The following BTAF1 variants were observed in gnomAD, a reference collection of about 807,000 sequenced individuals.
BTAF1 encodes B-TFIID TATA-box binding protein associated factor 1, also known as TATA-binding protein-associated factor 172.
In BTAF1, 38 loss-of-function variants were observed where a neutral mutation model predicts 227.1. The observed-to-expected ratio is 0.17, with a 90% CI of 0.13 to 0.22. BTAF1 has a LOEUF of 0.22. BTAF1 is among the 10% of genes least tolerant of loss of function. The probability of loss-of-function intolerance (pLI) is 1.00; values close to 1 mark genes in which losing one functional copy is unlikely to be tolerated. For synonymous variants in BTAF1, 742 were observed against 751.9 expected (o/e 0.99, Z 0.21); for missense variants, 1,598 against 2,204.0 (o/e 0.73, Z 5.51).
chr10:91,962,207 A>G (rs1451430905), intron 11 of BTAF1, among the ~76,000 whole-genome samples: 3 of 152,164 alleles, frequency 2.0e-5, no homozygotes, highest in Non-Finnish European at 4.4e-5. Context: ...ATTTAAATAT[A>G]CCAATATTTA....
chr10:91,929,976 C>T (rs1216562432), intron 1 of BTAF1, among the ~76,000 whole-genome samples: 6 of 152,150 alleles, frequency 3.9e-5, no homozygotes, highest in African/African-American at 1.4e-4. Context: ...AGGCATTAAT[C>T]AAAGCTTTTC....
At chr10:91,940,327 C>A (rs1844901631) in intron 3 of BTAF1, among the ~76,000 whole-genome samples, 1 of 151,628 alleles carries the variant, frequency 6.6e-6, no homozygotes, top group Non-Finnish European at 1.5e-5. Flanking sequence ...GTTATTACTT[C>A]CCTTCAAGTA....
At chr10:91,946,813 A>T (rs1314080970) in intron 4 of BTAF1, among the ~76,000 whole-genome samples, 2 of 150,454 alleles carry the variant, frequency 1.3e-5, no homozygotes, top group African/African-American at 4.9e-5. Context: ...CAGATATGTG[A>T]TTTATGCATT....
chr10:92,024,892 C>T lies in BTAF1; in HGVS notation c.5000C>T (p.Pro1667Leu), dbSNP rs1851391081. The change falls in exon 35 of 38, where the codon CCT becomes CTT. Residue 1667 changes from proline (P) to leucine (L), a missense_variant. Physicochemically the swap from Pro to Leu is moderately conservative, Grantham distance 98 (BLOSUM62 -3). Coordinates refer to ENST00000265990, the MANE Select transcript of BTAF1 (RefSeq NM_003972.3). ...LDIVEHDLLK[P>L]HLPSVTYLRL... ...ATAGTAGAGCATGATCTCCTCAAACCTCACTTGCCCTCTGTCACTTATTTG... is the reference window on the plus strand; with the variant it reads ...ATAGTAGAGCATGATCTCCTCAAACTTCACTTGCCCTCTGTCACTTATTTG... 3.1e-6 allele frequency: 5 copies of T among 1,614,080 alleles called. No individual in the cohort carries two copies. The South Asian group carries it at 4.4e-5, about 14-fold the overall frequency.
At chr10:91,977,089 T>C (rs1847751758) in intron 14 of BTAF1, among the ~76,000 whole-genome samples, 1 of 152,138 alleles carries the variant, frequency 6.6e-6, no homozygotes. Context: ...TGTGTAACTC[T>C]GGAGGCAGGA....
chr10:91,982,343 T>C, intron 17 of BTAF1, 118 bp downstream of exon 17: 2 of 1,392,734 alleles, frequency 1.4e-6, no homozygotes, highest in East Asian at 2.3e-5. Context: ...TTCATCACAC[T>C]AATTATAGCC....
At chr10:91,989,650 A>G in intron 20 of BTAF1, 70 bp downstream of exon 20, 3 of 1,372,074 alleles carry the variant, frequency 2.2e-6, no homozygotes, top group South Asian at 1.5e-5. Flanking sequence ...ACTTATGGGT[A>G]TAATTTAAGC....
intron 25 of BTAF1, 139 bp from the exon 26 acceptor site, chr10:92,007,984 T>G: frequency 1.3e-6 from 1 of 753,116 alleles, no homozygotes; most frequent in East Asian, 3.0e-5. Flanking sequence ...GCTTGTCAAT[T>G]TCTTTAACCT....
intron 8 of BTAF1, among the ~76,000 whole-genome samples, chr10:91,957,709 G>A (rs1479528873): frequency 6.6e-6 from 1 of 152,172 alleles, no homozygotes; most frequent in Non-Finnish European, 1.5e-5. Flanking sequence ...TCCTCTGCTT[G>A]AAGTTGAGGA....
intron 14 of BTAF1, among the ~76,000 whole-genome samples, chr10:91,969,823 G>A (rs1847166623): frequency 6.6e-6 from 1 of 152,032 alleles, no homozygotes; most frequent in Non-Finnish European, 1.5e-5. Context: ...AATTAGCTGG[G>A]CATGATGGTG....
intron 30 of BTAF1, among the ~76,000 whole-genome samples, chr10:92,011,697 G>A (rs1233823475): frequency 1.3e-5 from 2 of 152,066 alleles, no homozygotes; most frequent in East Asian, 3.9e-4. Context: ...CTCCACACTG[G>A]CCATTCTCCT....
intron 20 of BTAF1, among the ~76,000 whole-genome samples, chr10:91,990,952 T>C (rs191959018): frequency 6.7e-6 from 1 of 149,272 alleles, no homozygotes; most frequent in Non-Finnish European, 1.5e-5. Context: ...ACTAAAAAAA[T>C]ATATAAAAAT....
intron 25 of BTAF1, among the ~76,000 whole-genome samples, chr10:92,002,306 A>T (rs1433513963): frequency 1.3e-5 from 2 of 152,182 alleles, no homozygotes; most frequent in Admixed American, 1.3e-4. Flanking sequence ...TCTGAAATGC[A>T]TGTTGTCAAA....
intron 1 of BTAF1, among the ~76,000 whole-genome samples, chr10:91,928,157 G>A (rs968947661): frequency 1.3e-5 from 2 of 151,754 alleles, no homozygotes; most frequent in South Asian, 4.2e-4. Context: ...TGATAGCATG[G>A]CCATTTATAA....
At chr10:91,926,075 G>T (rs1403326602) in intron 1 of BTAF1, among the ~76,000 whole-genome samples, 5 of 152,084 alleles carry the variant, frequency 3.3e-5, no homozygotes, top group Admixed American at 2.6e-4. Flanking sequence ...GTCAATTCTT[G>T]ACTTTTTCAC....
At chr10:92,006,836 T>A (rs1457077225) in intron 25 of BTAF1, among the ~76,000 whole-genome samples, 5 of 152,244 alleles carry the variant, frequency 3.3e-5, no homozygotes, top group African/African-American at 1.2e-4. Context: ...TAATATACTT[T>A]CTTTCTCCTG....
chr10:91,944,931 C>T (rs1845256799), intron 4 of BTAF1, among the ~76,000 whole-genome samples: 2 of 152,076 alleles, frequency 1.3e-5, no homozygotes, highest in African/African-American at 4.8e-5. Flanking sequence ...GAATACTTAC[C>T]ATTGCGTTAC....
intron 6 of BTAF1, among the ~76,000 whole-genome samples, chr10:91,954,407 T>C (rs1845957125): frequency 6.6e-6 from 1 of 152,158 alleles, no homozygotes; most frequent in Non-Finnish European, 1.5e-5. Flanking sequence ...AGAAAAGAAC[T>C]GTGTGGGTAA....
At chr10:91,946,388 G>A (rs957689767) in intron 4 of BTAF1, among the ~76,000 whole-genome samples, 1 of 152,058 alleles carries the variant, frequency 6.6e-6, no homozygotes, top group African/African-American at 2.4e-5. Context: ...AAATACTGCT[G>A]TAAAAATTCA....
Sources: allele counts gnomAD v4.1 joint callset (sites outside exome capture counted in the v4.1 genomes callset), GRCh38; gene constraint gnomAD v4.1.1; transcripts MANE v1.5; gene names NCBI Gene and HGNC (gene_info 2026-07-23, HGNC 2026-07-21).